ANKLE1: variants seen among roughly 807,000 people sequenced by gnomAD.
The protein encoded by ANKLE1 is ankyrin repeat and LEM domain containing 1.
Under a neutral mutation model 56.2 loss-of-function variants are expected in ANKLE1, and 59 were observed. The observed-to-expected ratio is 1.05, with a 90% CI of 0.85 to 1.30. The LOEUF (loss-of-function observed/expected upper bound fraction) is 1.30. ANKLE1 is among the 50% of genes most tolerant of loss of function. ANKLE1 has a pLI of 0.00. For missense variants in ANKLE1, 771 were observed against 816.1 expected (o/e 0.94, Z 0.67); for synonymous variants, 341 against 352.9 (o/e 0.97, Z 0.38).
Position 17,282,218 on chromosome 19 carries a change from G to C in ANKLE1, c.215+9G>C. 1 of 1,485,010 alleles carries C rather than the reference G, an allele frequency of 6.7e-7. No homozygotes were observed. Among genetic ancestry groups the C allele is most frequent in the Non-Finnish European group, 8.9e-7 (1 of 1,121,952 alleles). The allele number at this position is 1,485,010 out of a possible 1,614,324, so 92.0% of individuals were successfully genotyped here. ...GGGGACCCCAACGCTCGGTAAGATAGAGCCTGGGTCCGGGGCGGGGTCTCC... is the reference window on the plus strand; with the variant it reads ...GGGGACCCCAACGCTCGGTAAGATACAGCCTGGGTCCGGGGCGGGGTCTCC... On this transcript the variant is annotated intron_variant, in intron 2 of 8. Coordinates refer to ENST00000404085, the MANE Select transcript of ANKLE1 (RefSeq NM_152363.6).
intron 1 of ANKLE1, 29 bp from the exon 2 acceptor site, chr19:17,282,028 G>C (rs535241573): frequency 7.3e-5 from 112 of 1,536,682 alleles, no homozygotes; most frequent in Middle Eastern, 1.7e-4. Context: ...GTCTTTGGCC[G>C]GGGTCCACTC....
chr19:17,282,772 AC>A lies in ANKLE1; in HGVS notation c.321+12del. The A allele has an allele frequency of 6.4e-7, 1 of 1,555,602 alleles. No homozygotes were observed. Among genetic ancestry groups the A allele is most frequent in the Non-Finnish European group, 8.6e-7 (1 of 1,157,850 alleles). On this transcript the variant is annotated intron_variant, in intron 3 of 8. Coordinates refer to ENST00000404085, the MANE Select transcript of ANKLE1 (RefSeq NM_152363.6). ...GCGCTGCGCGACCAGGTTGGGAGGCACTGCGCGGGCAAAGAAAGGCTGGGTG... is the reference window on the plus strand; with the variant it reads ...GCGCTGCGCGACCAGGTTGGGAGGCATGCGCGGGCAAAGAAAGGCTGGGTG...
rs2074035723 is a variant in ANKLE1, at chr19:17,286,657, T to G, written c.*105T>G. On this transcript the variant is annotated 3_prime_UTR_variant, in exon 9 of 9. Coordinates refer to ENST00000404085, the MANE Select transcript of ANKLE1 (RefSeq NM_152363.6). ...TCTGGTTTCAGAAGGGGTGTGTGTGTGTGTGTGTGTGTGTGTGTGTGTGTG... is the reference window on the plus strand; with the variant it reads ...TCTGGTTTCAGAAGGGGTGTGTGTGGGTGTGTGTGTGTGTGTGTGTGTGTG... The G allele has an allele frequency of 1.5e-6, 1 of 678,062 alleles. No homozygotes were observed. The highest frequency in any genetic ancestry group is 2.4e-5 in the South Asian group (1 of 41,432). The allele number at this position is 678,062 out of a possible 1,614,324, so 42.0% of individuals were successfully genotyped here.
intron 6 of ANKLE1, among the ~76,000 whole-genome samples, chr19:17,284,905 T>C (rs1440785393): frequency 2.0e-5 from 3 of 151,692 alleles, no homozygotes; most frequent in African/African-American, 7.3e-5. Context: ...GCCAGGCTGG[T>C]CTTGAGCTCC....
chr19:17,285,373 C>G (rs2074019574), intron 6 of ANKLE1, 58 bp from the exon 7 acceptor site: 1 of 1,600,948 alleles, frequency 6.2e-7, no homozygotes, highest in African/African-American at 1.3e-5. Context: ...ACTTTAAGGA[C>G]TGCCTCTGGG....
At chr19:17,282,610 C>A in intron 2 of ANKLE1, 46 bp from the exon 3 acceptor site, 1 of 1,511,634 alleles carries the variant, frequency 6.6e-7, no homozygotes, top group Non-Finnish European at 8.9e-7. Flanking sequence ...GGGGTTCCTG[C>A]CGGGAGGCTG....
In ANKLE1 at chr19:17,283,360, CTG is replaced by C. The variant is rs1568340684; in HGVS notation, c.599_600del (p.Val200GlyfsTer26). On this transcript the variant is annotated frameshift_variant, in exon 5 of 9. Coordinates refer to ENST00000404085, the MANE Select transcript of ANKLE1 (RefSeq NM_152363.6). LOFTEE classifies it high-confidence loss of function. ...CCCAGCCTCCCTGTTCCCCTTGAAA[CTG>C]TGGACAAACATGGGAGCTCGGCGTC... 6.2e-7 allele frequency: 1 copy of C among 1,613,730 alleles called. No individual in the cohort carries two copies. Among genetic ancestry groups the C allele is most frequent in the Admixed American group, 1.7e-5 (1 of 60,008 alleles).
In ANKLE1 at chr19:17,283,094, G is replaced by A. The variant is rs915414000; in HGVS notation, c.460+92G>A. The A allele has an allele frequency of 3.3e-6, 5 of 1,536,088 alleles. No homozygotes were observed. In the African/African-American group the frequency reaches 4.1e-5, roughly 13 times the overall value. ...CCCACCCCACCCATTGGTTCTGACC[G>A]TCTCACATCCACTATTTGTGGCCAG... On this transcript the variant is annotated intron_variant, in intron 4 of 8. Transcript: ENST00000404085.
chr19:17,283,812 G>A lies in ANKLE1; in HGVS notation c.1048G>A (p.Val350Ile). ...EASSTGGREP[V>I]GPCRHLPVST... ...AAGCTCTACAGGTGGCAGGGAACCT[G>A]TCGGCCCTTGCCGGCACCTGCCAGT... The change falls in exon 5 of 9, where the codon GTC becomes ATC. Residue 350 changes from valine to isoleucine, a missense_variant. Transcript: ENST00000404085. 2 of 1,613,342 alleles carry A rather than the reference G, an allele frequency of 1.2e-6. No homozygotes were observed. Among genetic ancestry groups the A allele is most frequent in the African/African-American group, 1.3e-5 (1 of 75,066 alleles).
rs2074034062 is a variant in ANKLE1 at position 17,286,612 on chromosome 19, T to C, written c.*60T>C. On this transcript the variant is annotated 3_prime_UTR_variant, in exon 9 of 9. Transcript: ENST00000404085. ...ATGTTTGAATGTTCCAGCTGCCCCATGCTGACAGCAGCCCCCATCTCTGGT... is the reference window on the plus strand; with the variant it reads ...ATGTTTGAATGTTCCAGCTGCCCCACGCTGACAGCAGCCCCCATCTCTGGT... 6.4e-7 allele frequency: 1 copy of C among 1,551,590 alleles called. No homozygotes were observed.
In ANKLE1 at chr19:17,286,683, TG is replaced by T. The variant is rs1490222254; in HGVS notation, c.*132del. On this transcript the variant is annotated 3_prime_UTR_variant, in exon 9 of 9. Transcript: ENST00000404085. ...GTGTGTGTGTGTGTGTGTGTGTGTG[TG>T]TGTGTGTTTGTGTGTGTGTGTGTGT... is the stretch of plus-strand genomic sequence containing the variant. 2.3e-5 allele frequency: 20 copies of T among 879,224 alleles called. No homozygotes were observed. The Admixed American group carries it at 3.2e-4, about 14-fold the overall frequency. 54.5% of individuals were successfully genotyped at this position (879,224 alleles called of 1,614,324 possible). A position where few individuals can be genotyped will look rare whatever the true frequency, so the allele number is the denominator to read the frequency against.
intron 6 of ANKLE1, among the ~76,000 whole-genome samples, chr19:17,284,682 C>CTCTT: frequency 1.9e-5 from 1 of 52,620 alleles, no homozygotes. Context: ...CCGCACCGGC[C>CTCTT]TCTTTTTTTT....
At chr19:17,282,568 A>T in intron 2 of ANKLE1, 88 bp from the exon 3 acceptor site, 1 of 1,323,846 alleles carries the variant, frequency 7.6e-7, no homozygotes. Context: ...GGAGGCCGAG[A>T]ACGAAGGCTC....
Position 17,284,238 on chromosome 19 carries a change from A to G in ANKLE1, c.1348A>G (p.Ser450Gly). 6.2e-7 allele frequency: 1 copy of G among 1,613,798 alleles called. No homozygotes were observed. Among genetic ancestry groups the G allele is most frequent in the Non-Finnish European group, 8.5e-7 (1 of 1,179,850 alleles). ...GTGGCGGGAGGGGGTCGTGAAGTCTAGCTTCACCTATCTGCTGCTGGACCC... is the reference window on the plus strand; with the variant it reads ...GTGGCGGGAGGGGGTCGTGAAGTCTGGCTTCACCTATCTGCTGCTGGACCC... ...RRWREGVVKS[S>G]FTYLLLDPRE... Residue 450 changes from serine (S) to glycine (G), a missense_variant, in exon 6 of 9, where the codon AGC (serine) becomes GGC (glycine). Ser to Gly is a moderately conservative substitution (Grantham distance 56). Transcript: ENST00000404085.
At position 17,285,722 on chromosome 19, in the gene ANKLE1, C is replaced by T; in HGVS notation, c.1578C>T (p.Ile526=). 6.2e-7 allele frequency: 1 copy of T among 1,613,936 alleles called. No homozygotes were observed. Among genetic ancestry groups the T allele is most frequent in the Non-Finnish European group, 8.5e-7 (1 of 1,179,886 alleles). ...ACPKVRQILD[I]WASGCGVVSL... ...CCAAGGTGCGTCAGATCTTGGACATCTGGGCCAGTGGTTGCGGTGTTGTGT... is the reference window on the plus strand; with the variant it reads ...CCAAGGTGCGTCAGATCTTGGACATTTGGGCCAGTGGTTGCGGTGTTGTGT... The change falls in exon 8 of 9, where the codon ATC becomes ATT. Residue 526 remains isoleucine, a synonymous_variant. Transcript: ENST00000404085.
rs760051130 is a variant in ANKLE1 at position 17,282,873 on chromosome 19, CGGCCGCTGGACCT to C, written c.336_348del (p.Leu113CysfsTer52). ...GACCGCGCCCCTGTAGGACGGACTC[CGGCCGCTGGACCT>C]GGCCCTGCAGCAGGGACACCTGGAG... On this transcript the variant is annotated frameshift_variant, in exon 4 of 9. Coordinates refer to ENST00000404085, the MANE Select transcript of ANKLE1 (RefSeq NM_152363.6). LOFTEE classifies it high-confidence loss of function. 2 of 1,584,420 alleles carry C rather than the reference CGGCCGCTGGACCT, an allele frequency of 1.3e-6. No homozygotes were observed. The highest frequency in any genetic ancestry group is 2.3e-5 in the South Asian group (2 of 88,390).
intron 4 of ANKLE1, 45 bp downstream of exon 4, chr19:17,283,047 G>A (rs1171988174): frequency 6.5e-7 from 1 of 1,543,484 alleles, no homozygotes; most frequent in Admixed American, 1.9e-5. Flanking sequence ...TTCTGGACCA[G>A]TCCCTGACAT....
Position 17,283,278 on chromosome 19 carries a change from A to T in ANKLE1, c.514A>T (p.Lys172Ter), listed in dbSNP as rs753246258. The change falls in exon 5 of 9, where the codon AAG (lysine) becomes TAG (stop). Residue 172 changes from lysine to a stop codon, truncating the protein, a stop_gained. Transcript: ENST00000404085. LOFTEE classifies it high-confidence loss of function. ...GACGCTGGACTCCATAGCACTCCAAAAGCAGCCATGCAGAGGTGACAACAG... is the reference window on the plus strand; with the variant it reads ...GACGCTGGACTCCATAGCACTCCAATAGCAGCCATGCAGAGGTGACAACAG... ...DETLDSIALQ[K>*]QPCRGDNRDI... is the part of the protein sequence containing the mutation. The T allele has an allele frequency of 1.9e-6, 3 of 1,613,470 alleles. No individual in the cohort carries two copies. The Admixed American group carries it at 5.0e-5, about 27-fold the overall frequency.
chr19:17,283,002 A>T lies in ANKLE1; in HGVS notation c.460A>T (p.Thr154Ser). 1 of 1,559,690 alleles carries T rather than the reference A, an allele frequency of 6.4e-7. No homozygotes were observed. The highest frequency in any genetic ancestry group is 8.6e-7 in the Non-Finnish European group (1 of 1,159,200). ...TCAGGAGCCCGAGCCTGCACCTGGC[A>T]GTGAGTAGGGCCTGCAGGGCTGCTG... Reference protein sequence around the residue: ...ETQEPEPAPGTPGLSGPTDET... With the variant: ...ETQEPEPAPGSPGLSGPTDET... The change falls in exon 4 of 9, where the codon ACC becomes TCC. Residue 154 changes from threonine to serine, a missense_variant and splice_region_variant. Thr to Ser is a moderately conservative substitution (Grantham distance 58, BLOSUM62 1). Coordinates refer to ENST00000404085, the MANE Select transcript of ANKLE1 (RefSeq NM_152363.6).
Sources: allele counts gnomAD v4.1 joint callset (sites outside exome capture counted in the v4.1 genomes callset), GRCh38; gene constraint gnomAD v4.1.1; transcripts MANE v1.5; gene names NCBI Gene and HGNC (gene_info 2026-07-23, HGNC 2026-07-21).